Variants in GSN observed in about 807,000 individuals in gnomAD.
GSN encodes gelsolin.
A neutral mutation model predicts 85.7 loss-of-function variants in GSN; 56 were observed. The ratio of observed to expected loss-of-function variants is 0.65; its 90% confidence interval spans 0.53 to 0.82. The LOEUF (loss-of-function observed/expected upper bound fraction) is 0.82, where lower values mean the gene tolerates loss of function less well. GSN is among the 40% of genes least tolerant of loss of function. GSN has a pLI of 0.00. For missense variants in GSN, 857 were observed against 979.8 expected, an observed-to-expected ratio of 0.87 and a Z score of 1.67; for synonymous variants, 373 against 399.1, an observed-to-expected ratio of 0.93 and a Z score of 0.78.
chr9:121,274,507 G>GT, intron 1 of GSN, among the ~76,000 whole-genome samples: 1 of 150,642 alleles, frequency 6.6e-6, no homozygotes, highest in East Asian at 1.9e-4. Flanking sequence ...GCTTTTTCTT[G>GT]TTAAAAAAAA....
upstream of GSN, among the ~76,000 whole-genome samples, chr9:121,204,063 A>G (rs960014108): frequency 2.0e-5 from 3 of 152,332 alleles, no homozygotes; most frequent in Admixed American, 1.3e-4. Flanking sequence ...CTGGCTAGTA[A>G]GTTTCCTTAT....
chr9:121,258,584 C>G (rs1273738469), intron 6 of GSN, among the ~76,000 whole-genome samples: 1 of 151,946 alleles, frequency 6.6e-6, no homozygotes, highest in Admixed American at 6.6e-5. Flanking sequence ...CAGAAGCAGA[C>G]ATTTTGAGAA....
In GSN at chr9:121,283,673, TC is replaced by T. The variant is rs2057696634; in HGVS notation, c.-10+2112del. 5 of 7,204 alleles carry T rather than the reference TC, an allele frequency of 6.9e-4. No individual in the cohort carries two copies. The South Asian group carries it at 0.051, about 74-fold the overall frequency. 0.4% of individuals were successfully genotyped at this position (7,204 alleles called of 1,614,324 possible). Reference sequence around the variant, plus strand: ...CTTGTCTTGATTTATGTATATAGGTTCATTCATTCATTCATTCATTCATTCA... The same window carrying T: ...CTTGTCTTGATTTATGTATATAGGTTATTCATTCATTCATTCATTCATTCA... On this transcript the variant is annotated intron_variant, in intron 2 of 17. Transcript: ENST00000432226.
Position 121,317,969 on chromosome 9 carries a change from CTG to C in GSN, c.887-436_887-435del, listed in dbSNP as rs147277346. On this transcript the variant is annotated intron_variant, in intron 8 of 17. Transcript: ENST00000432226. ...AGAAGGCTGGGACTGAGGCCCAGCACTGGCTGGCCAGGAGCTCCTTGGCACGG... is the reference window on the plus strand; with the variant it reads ...AGAAGGCTGGGACTGAGGCCCAGCACGCTGGCCAGGAGCTCCTTGGCACGG... The C allele has an allele frequency of 7.0e-3, 1,808 of 258,626 alleles. 9 individuals carry two copies. The highest frequency in any genetic ancestry group is 0.011 in the Non-Finnish European group (1,417 of 131,920). The allele number at this position is 258,626 out of a possible 1,614,324, so 16.0% of individuals were successfully genotyped here.
intron 4 of GSN, among the ~76,000 whole-genome samples, chr9:121,223,334 T>G (rs2132119216): frequency 6.6e-6 from 1 of 152,248 alleles, no homozygotes; most frequent in East Asian, 1.9e-4. Flanking sequence ...GCCCTGCTCA[T>G]GTCTGACTAA....
chr9:121,301,488 T>C (rs2059834624), intron 2 of GSN, among the ~76,000 whole-genome samples: 1 of 151,916 alleles, frequency 6.6e-6, no homozygotes. Flanking sequence ...TAGCCAGGCA[T>C]AGTATCGCAT....
chr9:121,207,309 G>A (rs1170503555), upstream of GSN, among the ~76,000 whole-genome samples: 1 of 152,172 alleles, frequency 6.6e-6, no homozygotes, highest in African/African-American at 2.4e-5. Context: ...AGCAGCATGA[G>A]CATCAGCATA....
intron 4 of GSN, among the ~76,000 whole-genome samples, chr9:121,214,200 TC>T: frequency 6.6e-6 from 1 of 151,452 alleles, no homozygotes; most frequent in African/African-American, 2.4e-5. Flanking sequence ...TTTCCTTCCT[TC>T]CTTCCTTCCT....
chr9:121,312,196 G>T, intron 5 of GSN, 143 bp from the exon 6 acceptor site: 1 of 799,986 alleles, frequency 1.3e-6, no homozygotes. Flanking sequence ...AATAATGCAC[G>T]TGTGCAGACT....
chr9:121,250,115 C>T (rs1483473036), intron 6 of GSN, among the ~76,000 whole-genome samples: 3 of 152,012 alleles, frequency 2.0e-5, no homozygotes, highest in Non-Finnish European at 2.9e-5. Flanking sequence ...CATTTGTCTA[C>T]AGATGCTGTT....
chr9:121,313,866 G>C, intron 6 of GSN, 68 bp from the exon 7 acceptor site: 1 of 1,227,008 alleles, frequency 8.1e-7, no homozygotes, highest in Non-Finnish European at 1.2e-6. Context: ...GCCTGCCTGG[G>C]AGCTATCTCA....
intron 6 of GSN, among the ~76,000 whole-genome samples, chr9:121,249,163 A>G (rs2054762607): frequency 6.6e-6 from 1 of 152,100 alleles, no homozygotes; most frequent in African/African-American, 2.4e-5. Context: ...GATGATGTCT[A>G]AGGAGATGCA....
intron 4 of GSN, chr9:121,222,071 T>G (rs910528802): frequency 5.9e-5 from 9 of 151,436 alleles, no homozygotes; most frequent in African/African-American, 2.2e-4. Flanking sequence ...CTGTTCTGTC[T>G]TTTAAAAGGG....
intron 6 of GSN, among the ~76,000 whole-genome samples, chr9:121,249,458 C>T (rs754338101): frequency 3.3e-5 from 5 of 152,182 alleles, no homozygotes; most frequent in Non-Finnish European, 5.9e-5. Flanking sequence ...GCCTGGGCGA[C>T]AGCCTGAGAC....
At chr9:121,228,368 CAT>C (rs1391824780) in intron 4 of GSN, among the ~76,000 whole-genome samples, 1 of 142,744 alleles carries the variant, frequency 7.0e-6, no homozygotes, top group African/African-American at 2.7e-5. Context: ...GTGCTAGACA[CAT>C]AGACACATTA....
At chr9:121,304,673 T>C (rs1022813724) in intron 4 of GSN, among the ~76,000 whole-genome samples, 3 of 152,230 alleles carry the variant, frequency 2.0e-5, no homozygotes, top group African/African-American at 7.2e-5. Flanking sequence ...ATGGCAGATA[T>C]GGTACTGGGA....
chr9:121,249,516 G>A (rs1229548223), intron 6 of GSN, among the ~76,000 whole-genome samples: 1 of 152,120 alleles, frequency 6.6e-6, no homozygotes, highest in Non-Finnish European at 1.5e-5. Context: ...TAACCATGAA[G>A]TGGTTCATGC....
At chr9:121,242,301 A>G (rs2054619630) in intron 5 of GSN, among the ~76,000 whole-genome samples, 1 of 152,248 alleles carries the variant, frequency 6.6e-6, no homozygotes, top group Non-Finnish European at 1.5e-5. Context: ...AAAAGCTAAA[A>G]CAGGGAGGAA....
intron 4 of GSN, among the ~76,000 whole-genome samples, chr9:121,228,746 A>G (rs1026535359): frequency 5.3e-5 from 8 of 152,116 alleles, no homozygotes; most frequent in Non-Finnish European, 7.3e-5. Context: ...ATTTTAAAAA[A>G]ATTCAGATAA....
Sources: allele counts gnomAD v4.1 joint callset (sites outside exome capture counted in the v4.1 genomes callset), GRCh38; gene constraint gnomAD v4.1.1; transcripts MANE v1.5; gene names NCBI Gene and HGNC (gene_info 2026-07-23, HGNC 2026-07-21).